The following MYO5C variants were observed in gnomAD, a reference collection of about 807,000 sequenced individuals.
MYO5C encodes unconventional myosin-Vc.
Under a neutral mutation model 235.7 loss-of-function variants are expected in MYO5C, and 194 were observed. The observed-to-expected ratio is 0.82, with a 90% CI of 0.73 to 0.93. The LOEUF (loss-of-function observed/expected upper bound fraction) is 0.93, where lower values mean the gene tolerates loss of function less well. Ranked by LOEUF, MYO5C falls within the 40% of genes least tolerant of loss-of-function variation. The probability of loss-of-function intolerance (pLI) is 0.00; values close to 1 mark genes in which losing one functional copy is unlikely to be tolerated. For missense variants in MYO5C, 2,038 were observed against 2,127.2 expected (o/e 0.96, Z 0.82); for synonymous variants, 707 against 754.8 (o/e 0.94, Z 1.04).
intron 18 of MYO5C, among the ~76,000 whole-genome samples, chr15:52,244,890 T>C (rs1424686716): frequency 2.0e-5 from 3 of 152,232 alleles, no homozygotes; most frequent in Admixed American, 6.5e-5. Context: ...TAGAAGAAAC[T>C]GGGGAAGTTT....
At chr15:52,292,298 C>A (rs117821362) in intron 1 of MYO5C, among the ~76,000 whole-genome samples, 1 of 152,288 alleles carries the variant, frequency 6.6e-6, no homozygotes, top group East Asian at 1.9e-4. Context: ...GAACTTCTCA[C>A]AAGCCCACTG....
intron 39 of MYO5C, 74 bp from the exon 40 acceptor site, chr15:52,195,531 A>T (rs1201117144): frequency 2.2e-6 from 2 of 922,716 alleles, no homozygotes; most frequent in Non-Finnish European, 3.2e-6. Context: ...GGTTCTGGTT[A>T]TTGGGAACCA....
chr15:52,250,671 C>T (rs2036452695), intron 13 of MYO5C, among the ~76,000 whole-genome samples: 1 of 152,208 alleles, frequency 6.6e-6, no homozygotes, highest in African/African-American at 2.4e-5. Flanking sequence ...ACAGCACCGG[C>T]CTCTGCGATA....
chr15:52,250,918 A>G (rs1326310017), intron 13 of MYO5C: 1 of 152,446 alleles, frequency 6.6e-6, no homozygotes, highest in East Asian at 1.9e-4. Context: ...TTTAGTAAAA[A>G]GAAAAAGGAG....
chr15:52,235,225 A>C (rs1436231030), intron 23 of MYO5C, among the ~76,000 whole-genome samples: 1 of 152,314 alleles, frequency 6.6e-6, no homozygotes, highest in East Asian at 1.9e-4. Flanking sequence ...TTTTCTGCAA[A>C]TCTTTGGTGA....
intron 8 of MYO5C, among the ~76,000 whole-genome samples, chr15:52,268,776 G>A (rs879487567): frequency 6.6e-6 from 1 of 152,188 alleles, no homozygotes. Flanking sequence ...TGTGACAGTC[G>A]TGCCTGCTCC....
intron 10 of MYO5C, among the ~76,000 whole-genome samples, chr15:52,258,606 T>C (rs1034375580): frequency 3.9e-5 from 6 of 152,202 alleles, no homozygotes; most frequent in African/African-American, 1.4e-4. Flanking sequence ...TTCTCAAAAG[T>C]TGCAGGTATG....
chr15:52,242,256 C>G, intron 19 of MYO5C, 43 bp from the exon 20 acceptor site: 1 of 1,567,458 alleles, frequency 6.4e-7, no homozygotes, highest in Non-Finnish European at 8.7e-7. Context: ...ACCCACAGAG[C>G]ATCAACTTCC....
intron 19 of MYO5C, 116 bp downstream of exon 19, chr15:52,244,240 G>A (rs1566976863): frequency 4.1e-6 from 4 of 985,368 alleles, no homozygotes; most frequent in African/African-American, 3.2e-5. Context: ...ACCCATGCAC[G>A]TCTGCACCCT....
rs571569471 is a variant in MYO5C, at chr15:52,281,964, G to A, written c.138+818C>T. On this transcript the variant is annotated intron_variant, in intron 2 of 40. Coordinates refer to ENST00000261839, the MANE Select transcript of MYO5C (RefSeq NM_018728.4). ...TACCCAGATACTTGATTCTAAACCC[G>A]TCCAGTCACCCTAGGCTACTAATCC... 2.0e-5 allele frequency among the ~76,000 whole-genome samples: 3 copies of A among 152,268 alleles called. 1 individual carries two copies. The highest frequency in any genetic ancestry group is 4.2e-4 in the South Asian group (2 of 4,818).
chr15:52,208,643 C>A lies in MYO5C; in HGVS notation c.4297G>T (p.Glu1433Ter), dbSNP rs764890548. The change falls in exon 36 of 41, where the codon GAA (glutamate) becomes TAA (stop). Residue 1433 changes from glutamate (E) to a stop codon, truncating the protein, a stop_gained and splice_region_variant. Coordinates refer to ENST00000261839, the MANE Select transcript of MYO5C (RefSeq NM_018728.4). LOFTEE classifies it high-confidence loss of function. ...AGCATTTCAAAGTCTTCTAAATGTT[C>A]CTTAGGAAAATAAGAAAAGACAAAA... Reference protein sequence around the residue: ...TINGIKQVVKEHLEDFEMLSF... With the variant: ...TINGIKQVVK The A allele has an allele frequency of 6.2e-7, 1 of 1,613,578 alleles. No individual in the cohort carries two copies. The highest frequency in any genetic ancestry group is 2.2e-5 in the East Asian group (1 of 44,884).
chr15:52,250,274 A>C (rs1596192008), intron 13 of MYO5C, among the ~76,000 whole-genome samples: 1 of 122,222 alleles, frequency 8.2e-6, no homozygotes, highest in African/African-American at 3.2e-5. Flanking sequence ...ACAGGGTCTC[A>C]CTCTGTCAGC....
chr15:52,195,302 A>C, intron 40 of MYO5C, 75 bp downstream of exon 40: 1 of 974,016 alleles, frequency 1.0e-6, no homozygotes, highest in South Asian at 1.6e-5. Context: ...GGATTTCTAT[A>C]ATGTTAATTA....
chr15:52,237,363 T>C, intron 22 of MYO5C, 119 bp downstream of exon 22: 1 of 1,286,032 alleles, frequency 7.8e-7, no homozygotes, highest in East Asian at 2.4e-5. Context: ...GTAATGGAAG[T>C]TGATAGCAAA....
intron 38 of MYO5C, among the ~76,000 whole-genome samples, chr15:52,200,858 A>G (rs1484860516): frequency 6.6e-6 from 1 of 152,170 alleles, no homozygotes; most frequent in African/African-American, 2.4e-5. Flanking sequence ...AAGAAAAACC[A>G]AATGGAAATT....
In MYO5C at chr15:52,214,598, C is replaced by G; in HGVS notation, c.4042+5G>C. 1 of 1,589,850 alleles carries G rather than the reference C, an allele frequency of 6.3e-7. No individual in the cohort carries two copies. The highest frequency in any genetic ancestry group is 8.6e-7 in the Non-Finnish European group (1 of 1,166,280). ...AAGAATAAGAAAACAAGTATTGTTT[C>G]TTACCTTTTCCAATTGTCTTGCTTA... On this transcript the variant is annotated splice_donor_5th_base_variant and intron_variant, in intron 33 of 40. Coordinates refer to ENST00000261839, the MANE Select transcript of MYO5C (RefSeq NM_018728.4).
intron 38 of MYO5C, among the ~76,000 whole-genome samples, chr15:52,204,021 T>C (rs908813840): frequency 6.6e-6 from 1 of 152,182 alleles, no homozygotes; most frequent in Non-Finnish European, 1.5e-5. Context: ...CTGCACACAC[T>C]ATAAGAAACG....
intron 10 of MYO5C, among the ~76,000 whole-genome samples, chr15:52,258,073 G>A (rs929494655): frequency 1.3e-5 from 2 of 152,198 alleles, no homozygotes; most frequent in African/African-American, 4.8e-5. Flanking sequence ...GAGCTCTGCA[G>A]CTCACAGCTG....
intron 8 of MYO5C, among the ~76,000 whole-genome samples, chr15:52,264,649 C>T (rs998860222): frequency 3.9e-5 from 6 of 152,226 alleles, no homozygotes; most frequent in Non-Finnish European, 7.3e-5. Context: ...CACAAGCTCT[C>T]TGAATCCCTG....
Sources: allele counts gnomAD v4.1 joint callset (sites outside exome capture counted in the v4.1 genomes callset), GRCh38; gene constraint gnomAD v4.1.1; transcripts MANE v1.5; gene names NCBI Gene and HGNC (gene_info 2026-07-23, HGNC 2026-07-21).